The following KCTD14 variants were observed in gnomAD, a reference collection of about 807,000 sequenced individuals.
KCTD14 encodes the protein potassium channel tetramerization domain containing 14.
A neutral mutation model predicts 5.9 loss-of-function variants in KCTD14; 7 were observed. That is an observed-to-expected ratio of 1.19 (90% CI 0.68 to 2.23). KCTD14 has a LOEUF of 2.23. KCTD14 is among the 30% of genes most tolerant of loss of function. The probability of loss-of-function intolerance (pLI) is 0.00; values close to 1 mark genes in which losing one functional copy is unlikely to be tolerated. For synonymous variants in KCTD14, 140 were observed against 133.1 expected (o/e 1.05, Z -0.36); for missense variants, 342 against 332.2 (o/e 1.03, Z -0.23).
intron 1 of KCTD14, among the ~76,000 whole-genome samples, chr11:78,041,568 C>T (rs541201870): frequency 9.0e-4 from 137 of 152,338 alleles, no homozygotes; most frequent in African/African-American, 3.0e-3. Context: ...GCACTGGAGC[C>T]GGCAATGGCA....
At chr11:78,028,712 C>T (rs535469075) in intron 2 of KCTD14, among the ~76,000 whole-genome samples, 4 of 151,842 alleles carry the variant, frequency 2.6e-5, no homozygotes, top group Admixed American at 2.0e-4. Flanking sequence ...AGACCGAGAT[C>T]AGCAGATCAG....
chr11:78,025,136 A>G (rs866173374), upstream of KCTD14, among the ~76,000 whole-genome samples: 622 of 113,446 alleles, frequency 5.5e-3, 9 homozygotes, highest in African/African-American at 0.035. Flanking sequence ...ATATATATAT[A>G]TATATATATA....
intron 2 of KCTD14, among the ~76,000 whole-genome samples, chr11:78,034,810 G>A (rs1476321839): frequency 6.6e-6 from 1 of 152,092 alleles, no homozygotes; most frequent in South Asian, 2.1e-4. Flanking sequence ...TGGGCCATGA[G>A]CTCTCCGAGG....
At position 78,015,911 on chromosome 11, in the gene KCTD14, A is replaced by G. The variant is rs1177035291; in HGVS notation, c.*682T>C. Reference sequence around the variant, plus strand: ...TCTTTTGTACCTCCATACAAGAGGTAGCAATTCTTTTCTAGAGATGGTCTC... The same window carrying G: ...TCTTTTGTACCTCCATACAAGAGGTGGCAATTCTTTTCTAGAGATGGTCTC... On this transcript the variant is annotated 3_prime_UTR_variant, in exon 2 of 2. Coordinates refer to ENST00000353172, the MANE Select transcript of KCTD14 (RefSeq NM_023930.4). The G allele has an allele frequency of 6.6e-6, 1 of 152,272 alleles. No homozygotes were observed. Among genetic ancestry groups the G allele is most frequent in the Non-Finnish European group, 1.5e-5 (1 of 68,080 alleles). The allele number at this position is 152,272 out of a possible 1,614,324, so 9.4% of individuals were successfully genotyped here.
intron 1 of KCTD14, among the ~76,000 whole-genome samples, chr11:78,041,036 A>C (rs1025099783): frequency 6.6e-6 from 1 of 152,164 alleles, no homozygotes; most frequent in Non-Finnish European, 1.5e-5. Flanking sequence ...CAGATCTCCG[A>C]AGTGGGAGTT....
intron 2 of KCTD14, among the ~76,000 whole-genome samples, chr11:78,035,831 C>T (rs1427972253): frequency 9.5e-5 from 10 of 105,510 alleles, no homozygotes; most frequent in Admixed American, 2.7e-4. Context: ...GGCAACAGAG[C>T]GAGACTCCAT....
intron 1 of KCTD14, among the ~76,000 whole-genome samples, chr11:78,043,640 TGGAGCA>T (rs1263051678): frequency 2.6e-5 from 4 of 152,158 alleles, no homozygotes; most frequent in Non-Finnish European, 5.9e-5. Flanking sequence ...GAAGGCCTCC[TGGAGCA>T]GGTGACATTT....
At chr11:78,026,301 G>A (rs374111860), upstream of KCTD14, among the ~76,000 whole-genome samples, 16 of 152,070 alleles carry the variant, frequency 1.1e-4, no homozygotes, top group Non-Finnish European at 2.2e-4. Context: ...GCCGGGCATG[G>A]TGGTGCGTGC....
chr11:78,044,633 C>T (rs539032428), intron 1 of KCTD14, among the ~76,000 whole-genome samples: 7 of 152,198 alleles, frequency 4.6e-5, no homozygotes, highest in East Asian at 3.9e-4. Flanking sequence ...TGAATCTGTA[C>T]GGGTCTGTAG....
chr11:78,028,528 G>A (rs1007396257), intron 2 of KCTD14, among the ~76,000 whole-genome samples: 2 of 151,752 alleles, frequency 1.3e-5, no homozygotes, highest in Admixed American at 6.6e-5. Flanking sequence ...GCTTGAATCC[G>A]GGAGGCGGAG....
intron 2 of KCTD14, among the ~76,000 whole-genome samples, chr11:78,034,193 G>A (rs974241598): frequency 6.6e-6 from 1 of 152,000 alleles, no homozygotes; most frequent in African/African-American, 2.4e-5. Context: ...CACAATCACA[G>A]TTCACCACAG....
Position 78,040,674 on chromosome 11 carries a change from A to T in KCTD14, c.-95-1916T>A, listed in dbSNP as rs891338868. Among the ~76,000 whole-genome samples the T allele has an allele frequency of 1.8e-3, 77 of 42,048 alleles. 1 individual carries two copies. Among genetic ancestry groups the T allele is most frequent in the Admixed American group, 8.9e-3 (36 of 4,048 alleles). The allele number at this position is 42,048 out of a possible 152,430, so 27.6% of individuals were successfully genotyped here. A position where few individuals can be genotyped will look rare whatever the true frequency, so the allele number is the denominator to read the frequency against. On this transcript the variant is annotated intron_variant, in intron 1 of 2. Coordinates refer to the KCTD14 transcript ENST00000533144. ...CCTTGATTTTTTATTTTATTTTATT[A>T]TTTTTTTTTTTTTGAGATGGAGTTT...
intron 2 of KCTD14, among the ~76,000 whole-genome samples, chr11:78,033,259 A>G (rs1261230185): frequency 6.6e-6 from 1 of 152,208 alleles, no homozygotes. Context: ...AAAGCAAAAG[A>G]CCAGAAGCAG....
chr11:78,041,135 C>T (rs1467722623), intron 1 of KCTD14, among the ~76,000 whole-genome samples: 1 of 152,140 alleles, frequency 6.6e-6, no homozygotes, highest in African/African-American at 2.4e-5. Flanking sequence ...GGCTCTATCA[C>T]CCCAGGGGCC....
chr11:78,046,095 G>A (rs949171649), exon 1 of KCTD14: 4 of 985,348 alleles, frequency 4.1e-6, no homozygotes, highest in Non-Finnish European at 4.8e-6. Context: ...CGAGAAAAGC[G>A]AGTGATCTGC....
Position 78,017,273 on chromosome 11 carries a change from G to C in KCTD14, c.91-3C>G. The C allele has an allele frequency of 6.3e-7, 1 of 1,579,628 alleles. No homozygotes were observed. The highest frequency in any genetic ancestry group is 8.6e-7 in the Non-Finnish European group (1 of 1,157,634). On this transcript the variant is annotated splice_polypyrimidine_tract_variant and splice_region_variant and intron_variant, in intron 1 of 1. Coordinates refer to ENST00000353172, the MANE Select transcript of KCTD14 (RefSeq NM_023930.4). ...TTCAGCTCCACAACAGTAGACATCT[G>C]GGGGCACAAGAGGCAGAGTAAACCA...
upstream of KCTD14, among the ~76,000 whole-genome samples, chr11:78,027,127 TA>T (rs1470312253): frequency 4.6e-5 from 7 of 151,762 alleles, no homozygotes; most frequent in African/African-American, 1.7e-4. Context: ...AATTAAAATA[TA>T]ATAAAAATGA....
Position 78,016,927 on chromosome 11 carries a change from T to C in KCTD14, c.434A>G (p.Tyr145Cys). Residue 145 changes from tyrosine to cysteine, a missense_variant, in exon 2 of 2, where the codon TAC (tyrosine) becomes TGC (cysteine). Tyr to Cys is a radical substitution (Grantham distance 194, BLOSUM62 -2). Transcript: ENST00000353172. The stretch of plus-strand genomic sequence containing the variant: ...CACCATGAGCTCCAGGTTCTCGCTG[T>C]AGCCCGGCACTTGCAGCAAAAACTG... ...RKQFLLQVPG[Y>C]SENLELMVRL... The C allele has an allele frequency of 1.2e-6, 2 of 1,614,252 alleles. No homozygotes were observed. Among genetic ancestry groups the C allele is most frequent in the East Asian group, 2.2e-5 (1 of 44,886 alleles).
intron 2 of KCTD14, among the ~76,000 whole-genome samples, chr11:78,036,733 T>G (rs551113939): frequency 1.3e-5 from 2 of 152,368 alleles, no homozygotes; most frequent in South Asian, 2.1e-4. Flanking sequence ...CTTCAGGACA[T>G]GCCTTTGTTT....
Sources: gnomAD v4.1 joint callset for allele counts (sites outside exome capture counted in the v4.1 genomes callset) on GRCh38, gnomAD v4.1.1 for gene constraint, MANE v1.5 for transcripts, NCBI Gene and HGNC (gene_info 2026-07-23, HGNC 2026-07-21) for gene names.